Variants in TBL1X observed in about 807,000 individuals in gnomAD.
TBL1X encodes F-box-like/WD repeat-containing protein TBL1X.
TBL1X carries 10 observed loss-of-function variants against 50.7 expected under a neutral mutation model. The observed-to-expected ratio is 0.20, with a 90% CI of 0.12 to 0.33. The LOEUF is 0.33. Ranked by LOEUF, TBL1X falls within the 10% of genes least tolerant of loss-of-function variation. TBL1X has a pLI of 1.00. For synonymous variants in TBL1X, 190 were observed against 214.7 expected, an observed-to-expected ratio of 0.88 and a Z score of 1.01; for missense variants, 340 against 504.4, an observed-to-expected ratio of 0.67 and a Z score of 3.12.
At chrX:9,641,918 C>A (rs757146111) in intron 3 of TBL1X, among the ~76,000 whole-genome samples, 1 of 111,910 alleles carries the variant, frequency 8.9e-6, no homozygotes, top group South Asian at 3.8e-4. Flanking sequence ...CATGAACACA[C>A]ATATACAAGT....
chrX:9,555,165 G>A (rs5934648), intron 2 of TBL1X, among the ~76,000 whole-genome samples: 1 of 109,822 alleles, frequency 9.1e-6, no homozygotes, highest in African/African-American at 3.3e-5. Flanking sequence ...AGCCTCAAAC[G>A]TCTGGGCTCA....
chrX:9,593,046 G>A (rs1234593323), intron 2 of TBL1X, among the ~76,000 whole-genome samples: 1 of 111,750 alleles, frequency 8.9e-6, no homozygotes, highest in East Asian at 2.8e-4. Context: ...TGTGTCTCAG[G>A]TATACTCTGC....
At chrX:9,510,600 G>A (rs1418164122) in intron 2 of TBL1X, among the ~76,000 whole-genome samples, 1 of 112,571 alleles carries the variant, frequency 8.9e-6, no homozygotes, top group African/African-American at 3.2e-5. Context: ...AACTTTATGT[G>A]TCATCTTGGC....
rs1278879593 is a variant in TBL1X at position 9,697,392 on chromosome X, C to T, written c.1077C>T (p.His359=). 3 of 1,209,932 alleles carry T rather than the reference C, an allele frequency of 2.5e-6. No individual in the cohort carries two copies. Among genetic ancestry groups the T allele is most frequent in the East Asian group, 3.0e-5 (1 of 33,822 alleles). The change falls in exon 12 of 18, where the codon CAC becomes CAT. Residue 359 remains histidine, a synonymous_variant. Coordinates refer to ENST00000645353, the MANE Select transcript of TBL1X (RefSeq NM_005647.4). ...VDKTTIIWDA[H]TGEAKQQFPF... The stretch of plus-strand genomic sequence containing the variant: ...AGACAACAATAATTTGGGATGCCCA[C>T]ACAGGAGAAGCCAAACAGCAGTTTC...
At chrX:9,504,959 G>A (rs774797317) in intron 2 of TBL1X, among the ~76,000 whole-genome samples, 1 of 111,319 alleles carries the variant, frequency 9.0e-6, no homozygotes, top group Non-Finnish European at 1.9e-5. Context: ...GAAATACTGG[G>A]AACACCATTA....
At chrX:9,694,303 T>C (rs1324267065) in intron 11 of TBL1X, among the ~76,000 whole-genome samples, 1 of 111,126 alleles carries the variant, frequency 9.0e-6, no homozygotes, top group Non-Finnish European at 1.9e-5. Context: ...AAACCATGCC[T>C]GAATACTGGA....
rs1479004876 is a variant in TBL1X at position 9,653,709 on chromosome X, G to A, written c.103+20G>A. ...GGAGAGGTACTGCGGTTCCTCATGT[G>A]GCCAGGACCGTGTGGTCACTCTTTG... On this transcript the variant is annotated intron_variant, in intron 4 of 17. Transcript: ENST00000645353. 8.7e-6 allele frequency: 10 copies of A among 1,150,616 alleles called. No homozygotes were observed. The highest frequency in any genetic ancestry group is 1.2e-5 in the Non-Finnish European group (10 of 859,122). The allele number at this position is 1,150,616 out of a possible 1,213,427, so 94.8% of individuals were successfully genotyped here.
intron 1 of TBL1X, among the ~76,000 whole-genome samples, chrX:9,488,043 G>A (rs1050244292): frequency 1.3e-4 from 15 of 111,925 alleles, no homozygotes; most frequent in Admixed American, 5.7e-4. Context: ...GGGTTGGGTT[G>A]GAGAATATGG....
intron 5 of TBL1X, among the ~76,000 whole-genome samples, chrX:9,683,716 C>A (rs1041722097): frequency 9.0e-6 from 1 of 111,419 alleles, no homozygotes; most frequent in Non-Finnish European, 1.9e-5. Context: ...ATTTGAGTAA[C>A]AGAAATGTCC....
chrX:9,691,622 T>G lies in TBL1X; in HGVS notation c.660T>G (p.Ile220Met). 8.3e-7 allele frequency: 1 copy of G among 1,211,167 alleles called. No homozygotes were observed. The highest frequency in any genetic ancestry group is 1.1e-6 in the Non-Finnish European group (1 of 895,301). Reference sequence around the variant, plus strand: ...TGGAAATAGATGGAGAGGTTGAGATTCCATCCAGCAAAGCCACAGTCCTTC... The same window carrying G: ...TGGAAATAGATGGAGAGGTTGAGATGCCATCCAGCAAAGCCACAGTCCTTC... ...KPMEIDGEVE[I>M]PSSKATVLRG... The change falls in exon 8 of 18, where the codon ATT becomes ATG. Residue 220 changes from isoleucine (I) to methionine (M), a missense_variant. By Grantham distance (10) the Ile-to-Met change is conservative. Around this residue, in one of 6 missense-constraint regions of TBL1X, gnomAD observed 99 missense variants for 93.3 expected, o/e 1.06. Coordinates refer to ENST00000645353, the MANE Select transcript of TBL1X (RefSeq NM_005647.4).
intron 2 of TBL1X, among the ~76,000 whole-genome samples, chrX:9,502,514 C>G (rs1409060854): frequency 6.2e-5 from 7 of 112,140 alleles, no homozygotes; most frequent in Non-Finnish European, 1.1e-4. Flanking sequence ...ACCTTTCTTC[C>G]CATACATGTA....
intron 5 of TBL1X, among the ~76,000 whole-genome samples, chrX:9,655,730 G>T (rs1569088365): frequency 8.9e-6 from 1 of 112,086 alleles, no homozygotes; most frequent in East Asian, 2.8e-4. Flanking sequence ...GCATGTATTC[G>T]ATTGGAGGGA....
chrX:9,536,952 C>T (rs188256692), intron 2 of TBL1X, among the ~76,000 whole-genome samples: 3 of 112,047 alleles, frequency 2.7e-5, no homozygotes, highest in African/African-American at 9.7e-5. Context: ...GTTTTGAATG[C>T]GCCAAGAAAG....
chrX:9,598,952 T>G (rs2082540351), intron 2 of TBL1X, among the ~76,000 whole-genome samples: 1 of 103,457 alleles, frequency 9.7e-6, no homozygotes, highest in Admixed American at 1.0e-4. Context: ...TTGTTTTTTG[T>G]TTTTTTTTTT....
At chrX:9,678,749 A>G (rs931781113) in intron 5 of TBL1X, among the ~76,000 whole-genome samples, 1 of 112,543 alleles carries the variant, frequency 8.9e-6, no homozygotes, top group African/African-American at 3.2e-5. Context: ...TTAGCTGAGC[A>G]TAGTAGTACA....
intron 7 of TBL1X, among the ~76,000 whole-genome samples, chrX:9,689,031 T>A (rs1466328019): frequency 9.0e-6 from 1 of 111,418 alleles, no homozygotes; most frequent in African/African-American, 3.2e-5. Flanking sequence ...TGTGTGCGTG[T>A]GTGCGTGCAC....
chrX:9,666,967 T>A (rs903546939), intron 5 of TBL1X, among the ~76,000 whole-genome samples: 3 of 111,977 alleles, frequency 2.7e-5, no homozygotes. Context: ...TGTTGTCTAG[T>A]TCAGGGGATT....
At chrX:9,562,795 A>T (rs2082330723) in intron 2 of TBL1X, among the ~76,000 whole-genome samples, 1 of 110,765 alleles carries the variant, frequency 9.0e-6, no homozygotes, top group South Asian at 3.8e-4. Flanking sequence ...TTGGGTTTTG[A>T]TCTTGCTCTG....
intron 5 of TBL1X, among the ~76,000 whole-genome samples, chrX:9,668,392 T>C (rs1198872108): frequency 9.3e-6 from 1 of 108,096 alleles, no homozygotes; most frequent in Non-Finnish European, 1.9e-5. Flanking sequence ...AAAAAAACTT[T>C]TGGGACTCTC....
Sources: gnomAD v4.1 joint callset for allele counts (sites outside exome capture counted in the v4.1 genomes callset) on GRCh38, gnomAD v4.1.1 for gene constraint, gnomAD v4.1.1 regional missense constraint, MANE v1.5 for transcripts, NCBI Gene and HGNC (gene_info 2026-07-23, HGNC 2026-07-21) for gene names.